The following NEBL variants were observed in gnomAD, a reference collection of about 807,000 sequenced individuals.
NEBL encodes nebulette, also known as LIM and SH3 protein 2.
Under a neutral mutation model 140.2 loss-of-function variants are expected in NEBL, and 122 were observed. That is an observed-to-expected ratio of 0.87 (90% confidence interval 0.75 to 1.01). The LOEUF (loss-of-function observed/expected upper bound fraction) is 1.01, where lower values mean the gene tolerates loss of function less well. Among genes scored for constraint, NEBL ranks in the 50% least tolerant of loss-of-function variants. The probability of loss-of-function intolerance (pLI) is 0.00; values close to 1 mark genes in which losing one functional copy is unlikely to be tolerated. For missense variants in NEBL, 1,365 were observed against 1,231.3 expected (o/e 1.11, Z -1.62); for synonymous variants, 436 against 398.9 (o/e 1.09, Z -1.11).
chr10:21,103,403 T>C (rs974780157), intron 2 of NEBL, among the ~76,000 whole-genome samples: 2 of 152,014 alleles, frequency 1.3e-5, no homozygotes, highest in Non-Finnish European at 2.9e-5. Context: ...CTCGTAGAGA[T>C]GGGGTTTCAC....
chr10:20,816,973 G>A (rs1167094855), intron 21 of NEBL, among the ~76,000 whole-genome samples: 1 of 152,138 alleles, frequency 6.6e-6, no homozygotes, highest in Non-Finnish European at 1.5e-5. Flanking sequence ...AGAAAAGGGA[G>A]GGAAAATGTT....
intron 11 of NEBL, among the ~76,000 whole-genome samples, chr10:20,850,126 T>C (rs979397194): frequency 2.0e-5 from 3 of 152,186 alleles, no homozygotes; most frequent in African/African-American, 7.2e-5. Flanking sequence ...AAGTGTCAGT[T>C]ATATTATCAT....
Position 20,819,466 on chromosome 10 carries a change from C to T in NEBL, c.2013G>A (p.Pro671=), listed in dbSNP as rs781677922. ...NYKATPVSMT[P]EIERVRRNQE... is the part of the protein sequence containing the mutation. ...GGTTTCGCCTCACTCTCTCTATCTC[C>T]GGGGTCATGCTTACCGGAGTGGCCT... is the stretch of plus-strand genomic sequence containing the variant. The change falls in exon 20 of 28, where the codon CCG becomes CCA. Residue 671 remains proline (P), a synonymous_variant. Coordinates refer to ENST00000377122, the MANE Select transcript of NEBL (RefSeq NM_006393.3). 6.7e-5 allele frequency: 108 copies of T among 1,613,930 alleles called. No homozygotes were observed. Among genetic ancestry groups the T allele is most frequent in the Admixed American group, 1.5e-4 (9 of 59,996 alleles).
chr10:21,199,541 T>C (rs1383823102), intron 3 of NEBL, among the ~76,000 whole-genome samples: 2 of 152,152 alleles, frequency 1.3e-5, no homozygotes, highest in African/African-American at 4.8e-5. Flanking sequence ...AACTAGATAG[T>C]ACACAGTCAC....
At chr10:21,288,762 A>AAAAAAAAAAAAAG (rs1843095625) in intron 1 of NEBL, among the ~76,000 whole-genome samples, 2 of 84,182 alleles carry the variant, frequency 2.4e-5, no homozygotes, top group African/African-American at 1.1e-4. Context: ...TCCATCGCCA[A>AAAAAAAAAAAAAG]AAAAAAAAAA....
At chr10:21,243,360 G>A (rs1292655006) in intron 3 of NEBL, among the ~76,000 whole-genome samples, 1 of 147,968 alleles carries the variant, frequency 6.8e-6, no homozygotes, top group Non-Finnish European at 1.5e-5. Flanking sequence ...AGACTGGAGT[G>A]CAGTGGTACA....
At chr10:21,264,640 T>G (rs571790501) in intron 1 of NEBL, among the ~76,000 whole-genome samples, 1 of 136,514 alleles carries the variant, frequency 7.3e-6, no homozygotes, top group Non-Finnish European at 1.5e-5. Flanking sequence ...TAGACCAGAG[T>G]ATACTTTCTG....
At chr10:20,894,885 T>C (rs564510216) in intron 2 of NEBL, among the ~76,000 whole-genome samples, 167 of 141,364 alleles carry the variant, frequency 1.2e-3, no homozygotes, top group African/African-American at 4.3e-3. Flanking sequence ...GCCGAGATCG[T>C]GCCACTGCCC....
At chr10:20,983,058 C>T (rs11012456) in intron 3 of NEBL, among the ~76,000 whole-genome samples, 23,965 of 152,062 alleles carry the variant, frequency 0.16, 3,227 homozygotes, top group East Asian at 0.38. Context: ...CCTTGGGAAC[C>T]GAAGAGGGGA....
chr10:21,115,030 A>G (rs374171919), intron 2 of NEBL, among the ~76,000 whole-genome samples: 34 of 150,928 alleles, frequency 2.3e-4, no homozygotes, highest in African/African-American at 8.0e-4. Flanking sequence ...ATTCCTTTTT[A>G]TCTTCTTTAT....
chr10:21,173,953 C>T lies in NEBL; in HGVS notation c.-120G>A. ...GCGGGAGGGCTGCGGGCGGCGGGCG[C>T]CGGGTAGGGAGTCGGCGCCGGGCCA... On this transcript the variant is annotated 5_prime_UTR_variant, in exon 1 of 7. Coordinates refer to the NEBL transcript ENST00000417816. The surrounding 1 kb of genome is among the most constrained non-coding windows in gnomAD (Gnocchi z 5.7). 1 of 1,378,402 alleles carries T rather than the reference C, an allele frequency of 7.3e-7. No individual in the cohort carries two copies. Among genetic ancestry groups the T allele is most frequent in the Non-Finnish European group, 9.3e-7 (1 of 1,077,444 alleles). The allele number at this position is 1,378,402 out of a possible 1,614,324, so 85.4% of individuals were successfully genotyped here.
chr10:21,247,849 TTATAATC>T, intron 3 of NEBL: 1 of 204,266 alleles, frequency 4.9e-6, no homozygotes, highest in Non-Finnish European at 1.1e-5. Flanking sequence ...CTAGATGACA[TTATAATC>T]TATAAAAAGT....
intron 1 of NEBL, among the ~76,000 whole-genome samples, chr10:21,265,224 A>G (rs1842785121): frequency 6.6e-6 from 1 of 152,054 alleles, no homozygotes; most frequent in African/African-American, 2.4e-5. Flanking sequence ...CACCTCTTTT[A>G]TAAGAACACT....
At chr10:21,096,370 G>A (rs1477126882) in intron 2 of NEBL, among the ~76,000 whole-genome samples, 1 of 152,128 alleles carries the variant, frequency 6.6e-6, no homozygotes, top group African/African-American at 2.4e-5. Flanking sequence ...CAAAAATACT[G>A]TTGAGGCTAG....
At chr10:20,915,655 T>C (rs1372270710) in intron 4 of NEBL, among the ~76,000 whole-genome samples, 2 of 151,984 alleles carry the variant, frequency 1.3e-5, no homozygotes, top group African/African-American at 2.4e-5. Context: ...CAGTCTATCA[T>C]TGTTGGACAT....
chr10:21,227,161 G>A (rs576568923), intron 3 of NEBL, among the ~76,000 whole-genome samples: 1 of 152,058 alleles, frequency 6.6e-6, no homozygotes, highest in Non-Finnish European at 1.5e-5. Context: ...TCTGATCTGT[G>A]AACTTAAAAA....
At chr10:21,015,016 T>C (rs1838497351) in intron 3 of NEBL, among the ~76,000 whole-genome samples, 1 of 152,076 alleles carries the variant, frequency 6.6e-6, no homozygotes, top group African/African-American at 2.4e-5. Context: ...TCTTTCATCG[T>C]ATCTGCCCTC....
chr10:20,848,752 A>G lies in NEBL; in HGVS notation c.1116+1643T>C, dbSNP rs375378760. Among the ~76,000 whole-genome samples the G allele has an allele frequency of 4.3e-4, 65 of 152,300 alleles. No individual in the cohort carries two copies. The East Asian group carries it at 4.4e-3, about 10-fold the overall frequency. On this transcript the variant is annotated intron_variant, in intron 11 of 27. Coordinates refer to ENST00000377122, the MANE Select transcript of NEBL (RefSeq NM_006393.3). ...ACCACCACCACTCGCCAGTCCATGGAAAAATTGTCTTCCATGAAACCCATC... is the reference window on the plus strand; with the variant it reads ...ACCACCACCACTCGCCAGTCCATGGGAAAATTGTCTTCCATGAAACCCATC...
intron 3 of NEBL, among the ~76,000 whole-genome samples, chr10:21,240,432 C>T (rs1267505903): frequency 2.0e-5 from 3 of 152,178 alleles, no homozygotes; most frequent in African/African-American, 7.2e-5. Context: ...CACCTGAGGT[C>T]AAGAGTTCGA....
Sources: allele counts gnomAD v4.1 joint callset (sites outside exome capture counted in the v4.1 genomes callset), GRCh38; gene constraint gnomAD v4.1.1; non-coding constraint Gnocchi (gnomAD v3.1); transcripts MANE v1.5; gene names NCBI Gene and HGNC (gene_info 2026-07-23, HGNC 2026-07-21).